GRAMD4: variants seen among roughly 807,000 people sequenced by gnomAD.
GRAMD4 encodes GRAM domain containing 4.
GRAMD4 carries 25 observed loss-of-function variants against 83.9 expected under a neutral mutation model. The ratio of observed to expected loss-of-function variants is 0.30; its 90% CI spans 0.22 to 0.42. The LOEUF (loss-of-function observed/expected upper bound fraction) is 0.42. Among genes scored for constraint, GRAMD4 ranks in the 10% least tolerant of loss-of-function variants. GRAMD4 has a pLI of 1.00. For synonymous variants in GRAMD4, 336 were observed against 320.9 expected (o/e 1.05, Z -0.50); for missense variants, 593 against 788.7 (o/e 0.75, Z 2.97).
intron 13 of GRAMD4, among the ~76,000 whole-genome samples, chr22:46,671,528 C>T (rs1446238762): frequency 1.3e-5 from 2 of 151,172 alleles, no homozygotes; most frequent in African/African-American, 2.4e-5. Flanking sequence ...TGGTGGCAGG[C>T]GCCTGTAGTC....
At position 46,654,698 on chromosome 22, in the gene GRAMD4, A is replaced by G. The variant is rs1262138825; in HGVS notation, c.284-3489A>G. Among the ~76,000 whole-genome samples, 3 of 152,312 alleles carry G rather than the reference A, an allele frequency of 2.0e-5. No individual in the cohort carries two copies. The East Asian group carries it at 5.8e-4, about 29-fold the overall frequency. On this transcript the variant is annotated intron_variant, in intron 3 of 18. Coordinates refer to ENST00000406902, the MANE Select transcript of GRAMD4 (RefSeq NM_015124.5). ...CACATCTGCCCTCCCTGCTAGACGC[A>G]CTACGTGAGAACTGGCCAAGCTCCC... is the stretch of plus-strand genomic sequence containing the variant.
rs771427876 is a variant in GRAMD4, at chr22:46,675,584, C to T, written c.1563+32C>T. The T allele has an allele frequency of 4.8e-5, 66 of 1,385,564 alleles. 1 individual carries two copies. The highest frequency in any genetic ancestry group is 3.7e-4 in the South Asian group (32 of 86,552). 85.8% of individuals were successfully genotyped at this position (1,385,564 alleles called of 1,614,324 possible). Reference sequence around the variant, plus strand: ...GCACCTACCCACCCCCACTAACCCCCGTGTTTTCTTCGTCACCTGACAGAG... The same window carrying T: ...GCACCTACCCACCCCCACTAACCCCTGTGTTTTCTTCGTCACCTGACAGAG... On this transcript the variant is annotated intron_variant, in intron 17 of 18. Transcript: ENST00000406902.
In GRAMD4 at chr22:46,673,666, G is replaced by A. The variant is rs56261430; in HGVS notation, c.1240-4G>A. ...CTGACCTCGACGCTGTTTGCCGTTG[G>A]CAGCTGCAGACGACCTCGTCACGGA... is the stretch of plus-strand genomic sequence containing the variant. On this transcript the variant is annotated splice_polypyrimidine_tract_variant and splice_region_variant and intron_variant, in intron 14 of 18. Coordinates refer to ENST00000406902, the MANE Select transcript of GRAMD4 (RefSeq NM_015124.5). 2.2e-3 allele frequency: 3,538 copies of A among 1,609,922 alleles called. 7 individuals are homozygous for A. Among genetic ancestry groups the A allele is most frequent in the Middle Eastern group, 3.0e-3 (18 of 6,048 alleles).
At chr22:46,655,346 A>G (rs1312580548) in intron 3 of GRAMD4, among the ~76,000 whole-genome samples, 2 of 152,112 alleles carry the variant, frequency 1.3e-5, no homozygotes, top group African/African-American at 4.8e-5. Flanking sequence ...AGGAGTTCTA[A>G]GCGGGAAAGC....
At chr22:46,636,038 GGA>G (rs2081881720) in intron 2 of GRAMD4, among the ~76,000 whole-genome samples, 1 of 152,070 alleles carries the variant, frequency 6.6e-6, no homozygotes, top group Non-Finnish European at 1.5e-5. Flanking sequence ...ACCTTCATGG[GGA>G]CGTTTAGCCC....
intron 17 of GRAMD4, 24 bp downstream of exon 17, chr22:46,675,576 C>T (rs2082584711): frequency 6.9e-7 from 1 of 1,451,786 alleles, no homozygotes; most frequent in South Asian, 1.1e-5. Context: ...CCCACCCCCA[C>T]TAACCCCCGT....
chr22:46,673,714 C>T lies in GRAMD4; in HGVS notation c.1284C>T (p.Ala428=), dbSNP rs557318915. 27 of 1,612,814 alleles carry T rather than the reference C, an allele frequency of 1.7e-5. No homozygotes were observed. The African/African-American group carries it at 1.7e-4, about 10-fold the overall frequency. The change falls in exon 15 of 19, where the codon GCC becomes GCT. Residue 428 remains alanine (A), a synonymous_variant. Coordinates refer to ENST00000406902, the MANE Select transcript of GRAMD4 (RefSeq NM_015124.5). The stretch of plus-strand genomic sequence containing the variant: ...GGAGCTACGTACCCAGCGCACCGGC[C>T]GGCCTGGGTAAAGAGGAGGACGCCG... ...SSRSYVPSAP[A]GLGKEEDAGR...
chr22:46,617,545 G>T (rs183601994), upstream of GRAMD4, among the ~76,000 whole-genome samples: 36 of 152,072 alleles, frequency 2.4e-4, no homozygotes, highest in East Asian at 7.0e-3. Flanking sequence ...GTGCGTGTAG[G>T]TTCCTCTGTG....
intron 3 of GRAMD4, among the ~76,000 whole-genome samples, chr22:46,644,993 A>T (rs770085218): frequency 3.0e-5 from 4 of 131,256 alleles, no homozygotes; most frequent in Non-Finnish European, 6.1e-5. Flanking sequence ...CAAGCCATCC[A>T]TCCGCCTCGG....
chr22:46,580,229 G>A (rs1398032392), intron 1 of GRAMD4, among the ~76,000 whole-genome samples: 1 of 152,250 alleles, frequency 6.6e-6, no homozygotes, highest in African/African-American at 2.4e-5. Flanking sequence ...CTGGGAAGCA[G>A]CGTCTCTTGC....
At chr22:46,608,048 C>T (rs893083431) in intron 1 of GRAMD4, among the ~76,000 whole-genome samples, 4 of 152,330 alleles carry the variant, frequency 2.6e-5, no homozygotes, top group African/African-American at 4.8e-5. Context: ...AGGGTCCTGT[C>T]GGGCACGTAG....
At chr22:46,663,018 A>C in intron 5 of GRAMD4, 22 bp from the exon 6 acceptor site, 1 of 1,588,380 alleles carries the variant, frequency 6.3e-7, no homozygotes, top group Non-Finnish European at 8.6e-7. Flanking sequence ...CCGTGCCCTC[A>C]CCGGGTCCCT....
chr22:46,627,839 GC>G (rs774751246), intron 2 of GRAMD4, among the ~76,000 whole-genome samples: 128 of 152,360 alleles, frequency 8.4e-4, no homozygotes, highest in Middle Eastern at 3.4e-3. Context: ...TCTCGACACT[GC>G]CCGATCAGGC....
intron 2 of GRAMD4, among the ~76,000 whole-genome samples, chr22:46,632,036 C>T (rs2081781994): frequency 6.6e-6 from 1 of 152,244 alleles, no homozygotes; most frequent in Non-Finnish European, 1.5e-5. Context: ...TCTCTGGCCG[C>T]TGTCACCAAG....
chr22:46,670,847 G>T (rs908982456), intron 13 of GRAMD4, among the ~76,000 whole-genome samples: 2 of 151,868 alleles, frequency 1.3e-5, no homozygotes, highest in Non-Finnish European at 2.9e-5. Flanking sequence ...ATCATGATCC[G>T]CCCGCTCGGC....
intron 2 of GRAMD4, among the ~76,000 whole-genome samples, chr22:46,627,524 A>C (rs2081685001): frequency 2.0e-5 from 3 of 152,186 alleles, no homozygotes; most frequent in South Asian, 2.1e-4. Flanking sequence ...GCCAGGCAGG[A>C]GCAGGCCCTG....
At chr22:46,612,236 G>A (rs1427781371) in intron 1 of GRAMD4, among the ~76,000 whole-genome samples, 1 of 152,062 alleles carries the variant, frequency 6.6e-6, no homozygotes, top group African/African-American at 2.4e-5. Flanking sequence ...TGAACTCCTG[G>A]GCTCAAGTGA....
At chr22:46,666,094 A>G (rs2147366971) in intron 9 of GRAMD4, among the ~76,000 whole-genome samples, 1 of 152,304 alleles carries the variant, frequency 6.6e-6, no homozygotes, top group South Asian at 2.1e-4. Context: ...GAGGAGCTGG[A>G]CCGGGAATGA....
intron 3 of GRAMD4, among the ~76,000 whole-genome samples, chr22:46,640,915 T>TA (rs1216101438): frequency 6.6e-6 from 1 of 152,036 alleles, no homozygotes; most frequent in Non-Finnish European, 1.5e-5. Context: ...CAGTGTGTTT[T>TA]AAAAACAAAA....
Sources: allele counts gnomAD v4.1 joint callset (sites outside exome capture counted in the v4.1 genomes callset), GRCh38; gene constraint gnomAD v4.1.1; transcripts MANE v1.5; gene names NCBI Gene and HGNC (gene_info 2026-07-23, HGNC 2026-07-21).